The following PPP2R2C variants were observed in gnomAD, a reference collection of about 807,000 sequenced individuals.
PPP2R2C encodes the protein protein phosphatase 2, regulatory subunit B, gamma.
A neutral mutation model predicts 45.3 loss-of-function variants in PPP2R2C; 10 were observed. The observed-to-expected ratio is 0.22, with a 90% CI of 0.14 to 0.37. The LOEUF (loss-of-function observed/expected upper bound fraction) is 0.37. PPP2R2C is among the 10% of genes least tolerant of loss of function. PPP2R2C has a pLI of 1.00. For missense variants in PPP2R2C, 308 were observed against 619.7 expected (o/e 0.50, Z 5.34); for synonymous variants, 257 against 245.4 (o/e 1.05, Z -0.44).
At chr4:6,395,768 G>A (rs1288551031) in intron 1 of PPP2R2C, among the ~76,000 whole-genome samples, 1 of 152,204 alleles carries the variant, frequency 6.6e-6, no homozygotes, top group East Asian at 1.9e-4. Flanking sequence ...GAAATGGGCA[G>A]ACCCTCCTGA....
At chr4:6,539,676 G>A (rs991535788) in intron 1 of PPP2R2C, among the ~76,000 whole-genome samples, 16 of 152,228 alleles carry the variant, frequency 1.1e-4, no homozygotes, top group African/African-American at 3.6e-4. Flanking sequence ...AGTGGTCAAG[G>A]GTGGCAAGTG....
chr4:6,453,323 A>G (rs1720840160), intron 1 of PPP2R2C, among the ~76,000 whole-genome samples: 1 of 152,152 alleles, frequency 6.6e-6, no homozygotes. Flanking sequence ...GGCAGCAGGG[A>G]CAGTATGGGA....
rs546928334 is a variant in PPP2R2C at position 6,410,835 on chromosome 4, C to T, written c.71-29741G>A. Among the ~76,000 whole-genome samples, 210 of 146,232 alleles carry T rather than the reference C, an allele frequency of 1.4e-3. 1 individual carries two copies. Among genetic ancestry groups the T allele is most frequent in the Middle Eastern group, 3.4e-3 (1 of 292 alleles). On this transcript the variant is annotated intron_variant, in intron 1 of 8. Coordinates refer to ENST00000382599, the MANE Select transcript of PPP2R2C (RefSeq NM_020416.4). ...CCCTATGGAGTAGGGACTACTATTCCCCCTGTTTTATTTATTTATTTATTT... is the reference window on the plus strand; with the variant it reads ...CCCTATGGAGTAGGGACTACTATTCTCCCTGTTTTATTTATTTATTTATTT...
At chr4:6,341,364 C>A (rs558311774) in intron 6 of PPP2R2C, among the ~76,000 whole-genome samples, 40 of 150,160 alleles carry the variant, frequency 2.7e-4, no homozygotes, top group Admixed American at 1.2e-3. Flanking sequence ...AAAAACCCAG[C>A]TCACCCACAA....
intron 2 of PPP2R2C, among the ~76,000 whole-genome samples, chr4:6,499,494 C>A (rs1722978726): frequency 6.6e-6 from 1 of 152,162 alleles, no homozygotes; most frequent in African/African-American, 2.4e-5. Context: ...AGACGCTTGG[C>A]ACCCTCATTG....
At position 6,331,050 on chromosome 4, in the gene PPP2R2C, G is replaced by A. The variant is rs1170229893; in HGVS notation, c.961-1697C>T. Reference sequence around the variant, plus strand: ...GTGTTGGGCACAGGGTACTGGCTCAGTATGTGTAACAACTAAAATCAAGGG... The same window carrying A: ...GTGTTGGGCACAGGGTACTGGCTCAATATGTGTAACAACTAAAATCAAGGG... On this transcript the variant is annotated intron_variant, in intron 7 of 8. Transcript: ENST00000382599. This position sits in a 1 kb window ranked among gnomAD's most constrained non-coding sequence, Gnocchi z 5.9. 6.6e-6 allele frequency among the ~76,000 whole-genome samples: 1 copy of A among 152,198 alleles called. No homozygotes were observed. Among genetic ancestry groups the A allele is most frequent in the African/African-American group, 2.4e-5 (1 of 41,432 alleles).
At chr4:6,353,114 C>G (rs947851628) in intron 5 of PPP2R2C, among the ~76,000 whole-genome samples, 8 of 152,004 alleles carry the variant, frequency 5.3e-5, no homozygotes, top group Non-Finnish European at 1.0e-4. Context: ...GCCCCCAGGA[C>G]GGTGAGAATA....
intron 1 of PPP2R2C, among the ~76,000 whole-genome samples, chr4:6,542,466 G>A (rs1186191795): frequency 6.6e-6 from 1 of 152,170 alleles, no homozygotes; most frequent in African/African-American, 2.4e-5. Flanking sequence ...GGCCAAAGTG[G>A]GCGAATCACC....
At chr4:6,540,322 C>A (rs1724768128) in intron 1 of PPP2R2C, among the ~76,000 whole-genome samples, 1 of 152,196 alleles carries the variant, frequency 6.6e-6, no homozygotes, top group Non-Finnish European at 1.5e-5. Flanking sequence ...ACTATGTGGT[C>A]TTTTGTGTCT....
chr4:6,376,302 T>G (rs1487844759), intron 3 of PPP2R2C, among the ~76,000 whole-genome samples: 2 of 152,120 alleles, frequency 1.3e-5, no homozygotes, highest in Non-Finnish European at 2.9e-5. Context: ...CTGGGGTCAG[T>G]GGAGCATCTG....
Position 6,561,914 on chromosome 4 carries a change from T to G in PPP2R2C, c.-59+1646A>C, listed in dbSNP as rs146728343. On this transcript the variant is annotated intron_variant, in intron 1 of 9. Coordinates refer to the PPP2R2C transcript ENST00000506140. ...GGCATTCACTCACTCACGCACTCAC[T>G]AATCGACAGTCAACAATTCCACACT... is the stretch of plus-strand genomic sequence containing the variant. 1.5e-3 allele frequency among the ~76,000 whole-genome samples: 233 copies of G among 152,332 alleles called. 1 individual carries two copies. The highest frequency in any genetic ancestry group is 5.3e-3 in the African/African-American group (221 of 41,570).
At chr4:6,499,251 C>G (rs565033711) in intron 2 of PPP2R2C, among the ~76,000 whole-genome samples, 2 of 152,320 alleles carry the variant, frequency 1.3e-5, no homozygotes, top group East Asian at 3.9e-4. Context: ...GACTGACTCA[C>G]CCATCTCCAG....
Position 6,384,326 on chromosome 4 carries a change from T to C in PPP2R2C, c.71-3232A>G, listed in dbSNP as rs959612478. ...TGATCTACATCAGTGATTATAGCCA[T>C]GTGAAATAAGCAAAGAAACTGGGCA... On this transcript the variant is annotated intron_variant, in intron 1 of 8. Transcript: ENST00000382599. 7 of 985,288 alleles carry C rather than the reference T, an allele frequency of 7.1e-6. No individual in the cohort carries two copies. In the African/African-American group the frequency reaches 1.0e-4, roughly 15 times the overall value. The allele number at this position is 985,288 out of a possible 1,614,324, so 61.0% of individuals were successfully genotyped here.
chr4:6,438,453 T>C (rs1719996108), intron 1 of PPP2R2C, among the ~76,000 whole-genome samples: 1 of 152,182 alleles, frequency 6.6e-6, no homozygotes, highest in Admixed American at 6.5e-5. Context: ...CGGGTCTCCC[T>C]CTGTACCCAG....
chr4:6,506,490 C>A (rs1432361810), intron 2 of PPP2R2C, among the ~76,000 whole-genome samples: 1 of 152,182 alleles, frequency 6.6e-6, no homozygotes, highest in Non-Finnish European at 1.5e-5. Context: ...CAAAACTAAA[C>A]CAACTCTGAG....
At chr4:6,475,352 G>A (rs1354277235), upstream of PPP2R2C, among the ~76,000 whole-genome samples, 1 of 152,194 alleles carries the variant, frequency 6.6e-6, no homozygotes, top group Non-Finnish European at 1.5e-5. Flanking sequence ...CACAGCGTAA[G>A]CCTGCTTGGG....
intron 1 of PPP2R2C, among the ~76,000 whole-genome samples, chr4:6,539,035 C>A (rs148699233): frequency 6.6e-6 from 1 of 152,156 alleles, no homozygotes; most frequent in African/African-American, 2.4e-5. Context: ...ACCCCTAGAA[C>A]CTCAGGATGT....
At chr4:6,535,237 C>T (rs765355127) in intron 2 of PPP2R2C, 90 of 1,534,272 alleles carry the variant, frequency 5.9e-5, no homozygotes, top group South Asian at 4.0e-4. Flanking sequence ...AGCTCACCGG[C>T]GCTGCTGCCC....
Position 6,333,712 on chromosome 4 carries a change from G to A in PPP2R2C, c.810C>T (p.Asp270=). ...CCGAGAAGAATGAGCGGTTACTGGG[G>A]TCCTCAGGCTCTTCAAAGACTGTGG... ...KHSKLFEEPE[D]PSNRSFFSEI... The change falls in exon 7 of 9, where the codon GAC becomes GAT. Residue 270 remains aspartate (D), a synonymous_variant. Transcript: ENST00000382599. 1 of 1,614,130 alleles carries A rather than the reference G, an allele frequency of 6.2e-7. No homozygotes were observed. The highest frequency in any genetic ancestry group is 8.5e-7 in the Non-Finnish European group (1 of 1,180,008).
Sources: allele counts gnomAD v4.1 joint callset (sites outside exome capture counted in the v4.1 genomes callset), GRCh38; gene constraint gnomAD v4.1.1; non-coding constraint Gnocchi (gnomAD v3.1); transcripts MANE v1.5; gene names NCBI Gene and HGNC (gene_info 2026-07-23, HGNC 2026-07-21).